Variants in DPP6 observed in about 807,000 individuals in gnomAD.
DPP6 encodes the protein dipeptidyl peptidase like 6.
In DPP6, 69 loss-of-function variants were observed where a neutral mutation model predicts 122.6. The ratio of observed to expected loss-of-function variants is 0.56; its 90% confidence interval spans 0.46 to 0.69. The LOEUF (loss-of-function observed/expected upper bound fraction) is 0.69, where lower values mean the gene tolerates loss of function less well. Among genes scored for constraint, DPP6 ranks in the 30% least tolerant of loss-of-function variants. The pLI is 0.00. For synonymous variants in DPP6, 418 were observed against 433.1 expected, an observed-to-expected ratio of 0.97 and a Z score of 0.43; for missense variants, 928 against 1,116.9, an observed-to-expected ratio of 0.83 and a Z score of 2.41.
chr7:153,863,123 TTATTATA>T, the DPP6 span, among the ~76,000 whole-genome samples: 1 of 152,206 alleles, frequency 6.6e-6, no homozygotes, highest in Non-Finnish European at 1.5e-5. Flanking sequence ...CATGTTTCTC[TTATTATA>T]TAACTCTACC....
intron 1 of DPP6, among the ~76,000 whole-genome samples, chr7:154,076,725 G>A (rs1252460464): frequency 2.0e-5 from 3 of 152,000 alleles, no homozygotes; most frequent in East Asian, 1.9e-4. Flanking sequence ...TAAGCATGGC[G>A]TGAAACAAAT....
At chr7:154,367,141 A>G (rs1735411633) in intron 1 of DPP6, among the ~76,000 whole-genome samples, 1 of 152,154 alleles carries the variant, frequency 6.6e-6, no homozygotes, top group Non-Finnish European at 1.5e-5. Context: ...GTTTCCAAAT[A>G]ATGGGGCGCA....
chr7:153,775,339 TATA>T, the DPP6 span, among the ~76,000 whole-genome samples: 1 of 146,852 alleles, frequency 6.8e-6, no homozygotes, highest in African/African-American at 2.5e-5. Flanking sequence ...GAAAATAAAT[TATA>T]ATATCCACTC....
At chr7:154,357,372 A>G (rs546273870) in intron 1 of DPP6, among the ~76,000 whole-genome samples, 1 of 152,082 alleles carries the variant, frequency 6.6e-6, no homozygotes, top group African/African-American at 2.4e-5. Context: ...ATTTTGTAAA[A>G]TAATCTTCAA....
intron 17 of DPP6, among the ~76,000 whole-genome samples, chr7:154,854,768 C>T (rs111652477): frequency 1.3e-5 from 2 of 151,740 alleles, no homozygotes; most frequent in East Asian, 1.9e-4. Flanking sequence ...CGTGTTTACG[C>T]GAGGGATGTG....
In DPP6 at chr7:154,783,507, C is replaced by T. The variant is rs773538454; in HGVS notation, c.1136+10565C>T. 3.3e-5 allele frequency among the ~76,000 whole-genome samples: 5 copies of T among 152,292 alleles called. No homozygotes were observed. In the East Asian group the frequency reaches 5.8e-4, roughly 18 times the overall value. ...TTATTGCGGCTCGCTGAGCAGTGGG[C>T]AGCCATTCCCGCAGCACAGGATTCT... On this transcript the variant is annotated intron_variant, in intron 10 of 25. Transcript: ENST00000377770.
Position 154,222,741 on chromosome 7 carries a change from A to G in DPP6, c.243+169678A>G, listed in dbSNP as rs141393820. On this transcript the variant is annotated intron_variant, in intron 1 of 25. Coordinates refer to ENST00000377770, the MANE Select transcript of DPP6 (RefSeq NM_130797.4). ...TTTCAGTAAAATATCCAGATCCGGA[A>G]GCTCATTTCCTGCATATTTTGTCTG... 6.6e-3 allele frequency among the ~76,000 whole-genome samples: 989 copies of G among 149,538 alleles called. 125 individuals carry two copies. Among genetic ancestry groups the G allele is most frequent in the African/African-American group, 0.024 (958 of 39,354 alleles).
chr7:154,883,335 C>T (rs4960635), intron 21 of DPP6, among the ~76,000 whole-genome samples: 45,781 of 144,298 alleles, frequency 0.32, 7,768 homozygotes, highest in East Asian at 0.5. Flanking sequence ...CACATGGTGT[C>T]ACACACACGC....
At chr7:153,914,146 A>G (rs1194410373) in intron 1 of DPP6, among the ~76,000 whole-genome samples, 1 of 152,102 alleles carries the variant, frequency 6.6e-6, no homozygotes, top group Non-Finnish European at 1.5e-5. Flanking sequence ...TGTTCTCGTC[A>G]TACTGAATAA....
chr7:154,308,300 T>C (rs1216706890), intron 1 of DPP6, among the ~76,000 whole-genome samples: 3 of 124,906 alleles, frequency 2.4e-5, no homozygotes, highest in African/African-American at 3.5e-5. Flanking sequence ...TTGTTTTTTT[T>C]CTACCGTGTT....
intron 1 of DPP6, among the ~76,000 whole-genome samples, chr7:154,054,847 C>T (rs1056758102): frequency 6.7e-6 from 1 of 149,976 alleles, no homozygotes; most frequent in Non-Finnish European, 1.5e-5. Flanking sequence ...TCTCAACAGG[C>T]TCTAGGTGTC....
At position 154,877,893 on chromosome 7, in the gene DPP6, G is replaced by A. The variant is rs567164419; in HGVS notation, c.2078+1793G>A. Among the ~76,000 whole-genome samples, 51 of 152,316 alleles carry A rather than the reference G, an allele frequency of 3.3e-4. No homozygotes were observed. Among genetic ancestry groups the A allele is most frequent in the African/African-American group, 1.2e-3 (48 of 41,574 alleles). ...ATGCTGGGGTTCAGTGTGGAAGGAG[G>A]ATGGGTGGGTGGCTGCTGGGTCAGC... is the stretch of plus-strand genomic sequence containing the variant. On this transcript the variant is annotated intron_variant, in intron 20 of 25. Transcript: ENST00000377770. This position sits in a 1 kb window ranked among gnomAD's most constrained non-coding sequence, Gnocchi z 5.2.
At chr7:154,382,808 C>T (rs759954607) in intron 1 of DPP6, among the ~76,000 whole-genome samples, 7 of 152,150 alleles carry the variant, frequency 4.6e-5, no homozygotes, top group African/African-American at 9.7e-5. Flanking sequence ...CTCAGCTCAC[C>T]TCTGCCTCCT....
intron 5 of DPP6, among the ~76,000 whole-genome samples, chr7:154,584,721 C>T (rs1832320211): frequency 1.3e-5 from 2 of 152,168 alleles, no homozygotes; most frequent in African/African-American, 2.4e-5. Context: ...TTCCCAGAGA[C>T]TTTCATACTA....
intron 1 of DPP6, among the ~76,000 whole-genome samples, chr7:153,988,796 GA>G (rs1180851237): frequency 2.0e-5 from 3 of 152,126 alleles, no homozygotes; most frequent in Non-Finnish European, 4.4e-5. Context: ...ATGAATCCCG[GA>G]AATGCAGTTT....
intron 16 of DPP6, among the ~76,000 whole-genome samples, chr7:154,827,800 T>C (rs1335017876): frequency 7.4e-6 from 1 of 134,644 alleles, no homozygotes; most frequent in Non-Finnish European, 1.6e-5. Context: ...TGTGGGGGGG[T>C]GTCAGATCCC....
At chr7:154,084,999 A>AAAC (rs1554457723) in intron 1 of DPP6, among the ~76,000 whole-genome samples, 1 of 151,538 alleles carries the variant, frequency 6.6e-6, no homozygotes, top group African/African-American at 2.4e-5. Context: ...CAAAAAAAAA[A>AAAC]AAAAAAAAAA....
chr7:154,432,477 C>G (rs1382208638), intron 1 of DPP6, among the ~76,000 whole-genome samples: 1 of 152,128 alleles, frequency 6.6e-6, no homozygotes, highest in South Asian at 2.1e-4. Flanking sequence ...AATGAGATAG[C>G]CTTTTAATAG....
chr7:154,398,761 T>C (rs1231291913), intron 1 of DPP6, among the ~76,000 whole-genome samples: 1 of 152,154 alleles, frequency 6.6e-6, no homozygotes, highest in Non-Finnish European at 1.5e-5. Flanking sequence ...CGTGATTCTC[T>C]TGAGGGGGGA....
Sources: gnomAD v4.1 joint callset for allele counts (sites outside exome capture counted in the v4.1 genomes callset) on GRCh38, gnomAD v4.1.1 for gene constraint, Gnocchi (gnomAD v3.1) non-coding constraint, MANE v1.5 for transcripts, NCBI Gene and HGNC (gene_info 2026-07-23, HGNC 2026-07-21) for gene names.